The following SUSD5 variants were observed in gnomAD, a reference collection of about 807,000 sequenced individuals.
SUSD5 encodes sushi domain-containing protein 5.
SUSD5 carries 33 observed loss-of-function variants against 29.5 expected under a neutral mutation model. The observed-to-expected ratio is 1.12, with a 90% CI of 0.85 to 1.49. The LOEUF (loss-of-function observed/expected upper bound fraction) is 1.49, where lower values mean the gene tolerates loss of function less well. Among genes scored for constraint, SUSD5 ranks in the 40% most tolerant of loss-of-function variants. The pLI is 0.00. For missense variants in SUSD5, 776 were observed against 800.6 expected, an observed-to-expected ratio of 0.97 and a Z score of 0.37; for synonymous variants, 308 against 325.3, an observed-to-expected ratio of 0.95 and a Z score of 0.57.
At chr3:33,163,271 A>C (rs1432558599) in intron 4 of SUSD5, among the ~76,000 whole-genome samples, 2 of 152,180 alleles carry the variant, frequency 1.3e-5, no homozygotes, top group Non-Finnish European at 2.9e-5. Flanking sequence ...CTGAACATAG[A>C]TGCAAAAGTC....
intron 3 of SUSD5, among the ~76,000 whole-genome samples, chr3:33,175,505 C>A (rs2031531818): frequency 6.6e-6 from 1 of 151,902 alleles, no homozygotes; most frequent in South Asian, 2.1e-4. Flanking sequence ...ACAACCTCAA[C>A]ACCAACAGCA....
chr3:33,185,993 T>C (rs926568195), intron 3 of SUSD5, among the ~76,000 whole-genome samples: 1 of 152,130 alleles, frequency 6.6e-6, no homozygotes, highest in Non-Finnish European at 1.5e-5. Flanking sequence ...ATTTTACAGG[T>C]TGTTTTCCTT....
At chr3:33,164,309 A>C (rs572320397) in intron 4 of SUSD5, among the ~76,000 whole-genome samples, 15 of 152,236 alleles carry the variant, frequency 9.9e-5, no homozygotes, top group Non-Finnish European at 1.8e-4. Flanking sequence ...AACAGAAAGT[A>C]GAATGGTGGT....
chr3:33,161,732 A>C (rs1208229680), intron 4 of SUSD5, among the ~76,000 whole-genome samples: 1 of 152,188 alleles, frequency 6.6e-6, no homozygotes, highest in East Asian at 1.9e-4. Flanking sequence ...AATACTTAGT[A>C]GAGATAAAGA....
At chr3:33,174,007 T>C (rs962955780) in intron 4 of SUSD5, among the ~76,000 whole-genome samples, 2 of 152,150 alleles carry the variant, frequency 1.3e-5, no homozygotes, top group African/African-American at 4.8e-5. Context: ...TGCAGTAACC[T>C]GGGACTCCTA....
chr3:33,176,191 C>T (rs1406263976), intron 3 of SUSD5, among the ~76,000 whole-genome samples: 3 of 152,196 alleles, frequency 2.0e-5, no homozygotes, highest in Non-Finnish European at 4.4e-5. Context: ...TTCTTTTTAG[C>T]ACTGAATATT....
At chr3:33,196,292 C>A (rs2031993974) in intron 3 of SUSD5, among the ~76,000 whole-genome samples, 1 of 152,196 alleles carries the variant, frequency 6.6e-6, no homozygotes, top group African/African-American at 2.4e-5. Context: ...TTGCCCACTA[C>A]TGACATAGCA....
intron 3 of SUSD5, among the ~76,000 whole-genome samples, chr3:33,197,053 GCTATTA>G (rs1194412968): frequency 5.9e-5 from 9 of 152,192 alleles, no homozygotes; most frequent in African/African-American, 2.2e-4. Context: ...GCAGGTGTTA[GCTATTA>G]CTATTTTCCT....
intron 4 of SUSD5, among the ~76,000 whole-genome samples, chr3:33,166,610 A>ATGTCCCCCCTGCCTTTG (rs369505572): frequency 1.6e-4 from 24 of 152,304 alleles, no homozygotes; most frequent in African/African-American, 5.5e-4. Context: ...GAACAAGGGC[A>ATGTCCCCCCTGCCTTTG]TGTCCCCCCT....
chr3:33,153,396 G>A lies in SUSD5; in HGVS notation c.1236C>T (p.Pro412=), dbSNP rs1470457348. Reference sequence around the variant, plus strand: ...TGGGCTTCTTAACTTCCACAAGAATGGGCTGATCAGGAGTAACTAGGACGT... The same window carrying A: ...TGGGCTTCTTAACTTCCACAAGAATAGGCTGATCAGGAGTAACTAGGACGT... The part of the protein sequence containing the change: ...DENVLVTPDQ[P]ILVEVKKPKS... Residue 412 remains proline (P), a synonymous_variant, in exon 5 of 5, where the codon CCC becomes CCT. Transcript: ENST00000309558. The A allele has an allele frequency of 6.2e-7, 1 of 1,613,822 alleles. No homozygotes were observed. The highest frequency in any genetic ancestry group is 1.6e-4 in the Middle Eastern group (1 of 6,062).
intron 2 of SUSD5, among the ~76,000 whole-genome samples, chr3:33,208,340 C>T (rs1451051097): frequency 6.6e-6 from 1 of 152,090 alleles, no homozygotes; most frequent in African/African-American, 2.4e-5. Flanking sequence ...TTTGGCAGCA[C>T]CCCATGAGTT....
chr3:33,194,521 C>A (rs1451352690), intron 3 of SUSD5, among the ~76,000 whole-genome samples: 1 of 152,052 alleles, frequency 6.6e-6, no homozygotes, highest in Non-Finnish European at 1.5e-5. Flanking sequence ...ACAAAGAAAA[C>A]CTGGAGCAAG....
chr3:33,153,029 A>T lies in SUSD5; in HGVS notation c.1603T>A (p.Tyr535Asn). The T allele has an allele frequency of 1.2e-6, 2 of 1,613,796 alleles. No individual in the cohort carries two copies. Among genetic ancestry groups the T allele is most frequent in the South Asian group, 1.1e-5 (1 of 91,036 alleles). The change falls in exon 5 of 5, where the codon TAC becomes AAC. Residue 535 changes from tyrosine (Y) to asparagine (N), a missense_variant. Coordinates refer to ENST00000309558, the MANE Select transcript of SUSD5 (RefSeq NM_015551.2). ...CCAAAGAAGTCTTCAGACAGCAGGTATGGGAAGCTATCCTGGATCTCAGGA... is the reference window on the plus strand; with the variant it reads ...CCAAAGAAGTCTTCAGACAGCAGGTTTGGGAAGCTATCCTGGATCTCAGGA... ...TVPEIQDSFP[Y>N]LLSEDFFGQE...
At chr3:33,196,391 T>G (rs1346097974) in intron 3 of SUSD5, among the ~76,000 whole-genome samples, 1 of 152,226 alleles carries the variant, frequency 6.6e-6, no homozygotes, top group Non-Finnish European at 1.5e-5. Flanking sequence ...TTCTTGGGGT[T>G]GGGCTATGGT....
intron 3 of SUSD5, among the ~76,000 whole-genome samples, chr3:33,195,086 T>G (rs952937640): frequency 2.6e-5 from 4 of 152,048 alleles, no homozygotes. Flanking sequence ...TCCCAGCTAC[T>G]CGGGAGGCTG....
At chr3:33,206,655 A>G (rs1457688718) in intron 3 of SUSD5, among the ~76,000 whole-genome samples, 1 of 152,042 alleles carries the variant, frequency 6.6e-6, no homozygotes, top group African/African-American at 2.4e-5. Context: ...CATGACTCTT[A>G]CTTTTACCAA....
chr3:33,160,750 A>G (rs185803529), intron 4 of SUSD5, among the ~76,000 whole-genome samples: 4 of 152,290 alleles, frequency 2.6e-5, no homozygotes, highest in African/African-American at 9.6e-5. Context: ...CTAAAAAATC[A>G]GTTAGAAACT....
intron 4 of SUSD5, among the ~76,000 whole-genome samples, chr3:33,157,774 TA>T (rs1240071686): frequency 6.6e-6 from 1 of 152,196 alleles, no homozygotes; most frequent in Non-Finnish European, 1.5e-5. Context: ...TGCTGAAGGA[TA>T]AAAGACCCCA....
chr3:33,180,178 A>T (rs1351663469), intron 3 of SUSD5, among the ~76,000 whole-genome samples: 2 of 152,178 alleles, frequency 1.3e-5, no homozygotes, highest in Admixed American at 6.5e-5. Context: ...TTCAAGAGAT[A>T]TTCCAGAGAA....
Sources: gnomAD v4.1 joint callset for allele counts (sites outside exome capture counted in the v4.1 genomes callset) on GRCh38, gnomAD v4.1.1 for gene constraint, MANE v1.5 for transcripts, NCBI Gene and HGNC (gene_info 2026-07-23, HGNC 2026-07-21) for gene names.